The following DCDC1 variants were observed in gnomAD, a reference collection of about 807,000 sequenced individuals.
The protein encoded by DCDC1 is doublecortin domain-containing protein 1.
DCDC1 carries 200 observed loss-of-function variants against 178.3 expected under a neutral mutation model. The ratio of observed to expected loss-of-function variants is 1.12; its 90% CI spans 1.00 to 1.26. The LOEUF (loss-of-function observed/expected upper bound fraction) is 1.26. DCDC1 is among the 50% of genes most tolerant of loss of function. The probability of loss-of-function intolerance (pLI) is 0.00; values close to 1 mark genes in which losing one functional copy is unlikely to be tolerated. For missense variants in DCDC1, 1,983 were observed against 1,749.2 expected (o/e 1.13, Z -2.38); for synonymous variants, 690 against 604.8 (o/e 1.14, Z -2.07).
Position 31,356,121 on chromosome 11 carries a change from C to T in DCDC1, c.-125+13576G>A, listed in dbSNP as rs567088729. Reference sequence around the variant, plus strand: ...AGGAGATAGCTACAGTATAAAAAAGCTATGCCAGATAAAACTGACTTTATT... The same window carrying T: ...AGGAGATAGCTACAGTATAAAAAAGTTATGCCAGATAAAACTGACTTTATT... On this transcript the variant is annotated intron_variant, in intron 1 of 38. Coordinates refer to ENST00000684477, the MANE Select transcript of DCDC1 (RefSeq NM_001387274.1). Among the ~76,000 whole-genome samples, 26 of 152,122 alleles carry T rather than the reference C, an allele frequency of 1.7e-4. No individual in the cohort carries two copies. The South Asian group carries it at 5.4e-3, about 32-fold the overall frequency.
intron 9 of DCDC1, among the ~76,000 whole-genome samples, chr11:31,229,158 TAATG>T (rs1399715847): frequency 9.2e-5 from 14 of 152,172 alleles, no homozygotes; most frequent in African/African-American, 3.4e-4. Context: ...ATGGTTTTAC[TAATG>T]AATTTCACCA....
chr11:31,197,490 G>A (rs968189781), intron 9 of DCDC1, among the ~76,000 whole-genome samples: 1 of 152,068 alleles, frequency 6.6e-6, no homozygotes, highest in Non-Finnish European at 1.5e-5. Flanking sequence ...AACCACATAA[G>A]GTAGGTATTT....
At chr11:31,199,508 G>A (rs1971058466) in intron 9 of DCDC1, among the ~76,000 whole-genome samples, 1 of 152,038 alleles carries the variant, frequency 6.6e-6, no homozygotes, top group Admixed American at 6.6e-5. Context: ...GCAAGGCATC[G>A]AGACTGTCAC....
intron 9 of DCDC1, among the ~76,000 whole-genome samples, chr11:31,207,674 T>C (rs1302088373): frequency 2.0e-5 from 3 of 152,178 alleles, no homozygotes; most frequent in African/African-American, 7.2e-5. Flanking sequence ...TAATGTAAAA[T>C]TCACTTTAAG....
intron 9 of DCDC1, among the ~76,000 whole-genome samples, chr11:31,211,827 A>C (rs576026920): frequency 6.6e-6 from 1 of 152,298 alleles, no homozygotes; most frequent in South Asian, 2.1e-4. Context: ...TCACACCTGT[A>C]ATCCCAGCAC....
chr11:31,348,677 T>C (rs1236031252), intron 1 of DCDC1, among the ~76,000 whole-genome samples: 3 of 152,170 alleles, frequency 2.0e-5, no homozygotes, highest in Non-Finnish European at 4.4e-5. Flanking sequence ...TCAAAGTAGA[T>C]AATGACTGTT....
intron 6 of DCDC1, among the ~76,000 whole-genome samples, chr11:31,291,576 G>T (rs551692365): frequency 6.6e-6 from 1 of 152,086 alleles, no homozygotes; most frequent in Non-Finnish European, 1.5e-5. Context: ...GCAGTATATT[G>T]CATACTAAGT....
intron 32 of DCDC1, among the ~76,000 whole-genome samples, chr11:30,901,827 C>T (rs550283678): frequency 4.9e-4 from 75 of 152,230 alleles, no homozygotes; most frequent in African/African-American, 1.8e-3. Flanking sequence ...TAAATGTTCA[C>T]ATAATTCTTT....
At chr11:31,105,462 T>C (rs933896080) in intron 13 of DCDC1, among the ~76,000 whole-genome samples, 4 of 151,864 alleles carry the variant, frequency 2.6e-5, no homozygotes, top group African/African-American at 9.7e-5. Context: ...GAAATAATAA[T>C]GACACATTTT....
chr11:31,182,201 T>G (rs189701216), intron 9 of DCDC1, among the ~76,000 whole-genome samples: 1 of 152,216 alleles, frequency 6.6e-6, no homozygotes, highest in African/African-American at 2.4e-5. Flanking sequence ...TTCCCCAACC[T>G]AGCAAGACAG....
At chr11:31,137,089 A>G (rs1358835525) in intron 10 of DCDC1, among the ~76,000 whole-genome samples, 1 of 152,212 alleles carries the variant, frequency 6.6e-6, no homozygotes, top group Non-Finnish European at 1.5e-5. Flanking sequence ...GGTAGGTTTT[A>G]TAACTTCCAG....
At chr11:31,176,758 T>C (rs1243014764) in intron 9 of DCDC1, among the ~76,000 whole-genome samples, 1 of 150,858 alleles carries the variant, frequency 6.6e-6, no homozygotes, top group Non-Finnish European at 1.5e-5. Context: ...TTCAAAGTTC[T>C]GAAGGAAAAA....
At chr11:31,192,875 C>T (rs1970281274) in intron 9 of DCDC1, among the ~76,000 whole-genome samples, 1 of 152,066 alleles carries the variant, frequency 6.6e-6, no homozygotes, top group African/African-American at 2.4e-5. Flanking sequence ...GATCTGCACT[C>T]ATCAATGTAA....
chr11:31,122,484 G>T (rs1301463154), intron 11 of DCDC1, among the ~76,000 whole-genome samples: 2 of 152,052 alleles, frequency 1.3e-5, no homozygotes, highest in Non-Finnish European at 2.9e-5. Context: ...AAGGAAGGGG[G>T]TGATTATTAT....
intron 8 of DCDC1, among the ~76,000 whole-genome samples, chr11:31,244,691 A>G (rs1440164877): frequency 6.6e-6 from 1 of 151,750 alleles, no homozygotes; most frequent in Admixed American, 6.6e-5. Flanking sequence ...ATGGTTTGGA[A>G]GTTAATCATC....
At chr11:31,075,426 T>A (rs573566242) in intron 18 of DCDC1, among the ~76,000 whole-genome samples, 14 of 152,326 alleles carry the variant, frequency 9.2e-5, no homozygotes, top group South Asian at 4.1e-4. Flanking sequence ...GATTGCCGGA[T>A]GAAATGGTAG....
At chr11:31,359,274 G>A (rs866916107) in intron 1 of DCDC1, among the ~76,000 whole-genome samples, 12 of 151,512 alleles carry the variant, frequency 7.9e-5, no homozygotes, top group East Asian at 3.9e-4. Context: ...ATGAGTTCAC[G>A]TCCTTTGTTG....
At chr11:31,358,582 A>C (rs1016845293) in intron 1 of DCDC1, among the ~76,000 whole-genome samples, 2 of 152,068 alleles carry the variant, frequency 1.3e-5, no homozygotes, top group African/African-American at 4.8e-5. Flanking sequence ...GCCAAAATTG[A>C]CAAATGGGAT....
intron 20 of DCDC1, among the ~76,000 whole-genome samples, chr11:30,968,433 A>C (rs190923826): frequency 1.1e-3 from 161 of 152,178 alleles, no homozygotes; most frequent in Non-Finnish European, 1.8e-3. Flanking sequence ...GTCTGAAAAT[A>C]CTAAAGGGAA....
Sources: allele counts gnomAD v4.1 joint callset (sites outside exome capture counted in the v4.1 genomes callset), GRCh38; gene constraint gnomAD v4.1.1; transcripts MANE v1.5; gene names NCBI Gene and HGNC (gene_info 2026-07-23, HGNC 2026-07-21).